COL27A1: variants seen among roughly 807,000 people sequenced by gnomAD.
COL27A1 encodes the protein collagen alpha-1(XXVII) chain.
A neutral mutation model predicts 251.3 loss-of-function variants in COL27A1; 106 were observed. The observed-to-expected ratio is 0.42, with a 90% CI of 0.36 to 0.50. The LOEUF (loss-of-function observed/expected upper bound fraction) is 0.50. Ranked by LOEUF, COL27A1 falls within the 20% of genes least tolerant of loss-of-function variation. The pLI is 0.00. For missense variants in COL27A1, 2,325 were observed against 2,522.8 expected (o/e 0.92, Z 1.68); for synonymous variants, 1,000 against 986.3 (o/e 1.01, Z -0.26).
chr9:114,158,222 G>A (rs1848255059), intron 1 of COL27A1, among the ~76,000 whole-genome samples: 1 of 152,196 alleles, frequency 6.6e-6, no homozygotes, highest in African/African-American at 2.4e-5. Context: ...AGTGTCCACA[G>A]GGCCACTTTC....
At chr9:114,186,538 T>C (rs1199387715) in intron 5 of COL27A1, among the ~76,000 whole-genome samples, 3 of 151,952 alleles carry the variant, frequency 2.0e-5, no homozygotes, top group Non-Finnish European at 4.4e-5. Context: ...CCCCACGATA[T>C]GGGGATTGAT....
intron 14 of COL27A1, among the ~76,000 whole-genome samples, chr9:114,228,634 C>T (rs953411859): frequency 5.9e-5 from 9 of 152,244 alleles, no homozygotes; most frequent in Non-Finnish European, 1.3e-4. Context: ...TCAGTTTCCT[C>T]ATCTATGAAA....
intron 28 of COL27A1, among the ~76,000 whole-genome samples, chr9:114,261,372 G>A (rs991394380): frequency 6.6e-6 from 1 of 152,240 alleles, no homozygotes; most frequent in African/African-American, 2.4e-5. Flanking sequence ...CAGGCGGGGC[G>A]GGGGTGGGCC....
intron 28 of COL27A1, among the ~76,000 whole-genome samples, chr9:114,258,830 C>T (rs1390326784): frequency 6.6e-6 from 1 of 152,202 alleles, no homozygotes; most frequent in Admixed American, 6.5e-5. Flanking sequence ...GTCGGGCTCT[C>T]CGGTACTAGT....
chr9:114,299,988 G>A, intron 49 of COL27A1, 82 bp from the exon 50 acceptor site: 2 of 1,340,004 alleles, frequency 1.5e-6, no homozygotes, highest in Non-Finnish European at 1.1e-6. Context: ...GAGGGAAAAG[G>A]CAGGCCCTGA....
At chr9:114,289,096 T>C in intron 44 of COL27A1, 129 bp downstream of exon 44, 2 of 1,379,514 alleles carry the variant, frequency 1.4e-6, no homozygotes, top group Non-Finnish European at 2.0e-6. Flanking sequence ...CAGCCATTTC[T>C]GTTTCTCCTG....
At chr9:114,225,307 A>C (rs7855833) in intron 14 of COL27A1, among the ~76,000 whole-genome samples, 112,479 of 152,152 alleles carry the variant, frequency 0.74, 42,300 homozygotes, top group South Asian at 0.89. Context: ...GAGCCCTGGG[A>C]CTTTCTGCAT....
intron 54 of COL27A1, 78 bp from the exon 55 acceptor site, chr9:114,301,604 T>G: frequency 1.3e-6 from 2 of 1,528,926 alleles, no homozygotes; most frequent in Admixed American, 1.9e-5. Flanking sequence ...GTCCCAGGTC[T>G]GCTTGAGGAG....
At chr9:114,266,814 G>A (rs1834777446) in intron 33 of COL27A1, among the ~76,000 whole-genome samples, 196 bp downstream of exon 33, 1 of 152,186 alleles carries the variant, frequency 6.6e-6, no homozygotes, top group Non-Finnish European at 1.5e-5. Context: ...AGGTTGAGGA[G>A]CTGGCTCCTA....
chr9:114,199,302 T>TA (rs1337610953), intron 7 of COL27A1, among the ~76,000 whole-genome samples: 8 of 152,148 alleles, frequency 5.3e-5, no homozygotes, highest in African/African-American at 1.9e-4. Context: ...GAAATACTGC[T>TA]AAACATTCTG....
Position 114,311,548 on chromosome 9 carries a change from G to GAAAAAAAAAAAAAAAAAAGA in COL27A1, c.*870_*871insAGAAAAAAAAAAAAAAAAAA, listed in dbSNP as rs56094843. On this transcript the variant is annotated 3_prime_UTR_variant, in exon 61 of 61. Transcript: ENST00000356083. The stretch of plus-strand genomic sequence containing the variant: ...AGGAGGAAAAAAGAAAAGAAAAAAG[G>GAAAAAAAAAAAAAAAAAAGA]AAAAAAAAAAAAAAAAAGCAAAACA... 3.8e-4 allele frequency: 36 copies of GAAAAAAAAAAAAAAAAAAGA among 95,700 alleles called. No homozygotes were observed. The highest frequency in any genetic ancestry group is 5.4e-3 in the Middle Eastern group (1 of 184). The allele number at this position is 95,700 out of a possible 1,614,324, so 5.9% of individuals were successfully genotyped here.
At chr9:114,230,291 G>A (rs1472278187) in intron 14 of COL27A1, among the ~76,000 whole-genome samples, 2 of 152,122 alleles carry the variant, frequency 1.3e-5, no homozygotes, top group Non-Finnish European at 2.9e-5. Flanking sequence ...ACGGTGTGGA[G>A]TTTGCAGACG....
chr9:114,240,199 C>A (rs1411035481), intron 19 of COL27A1, 21 bp from the exon 20 acceptor site: 1 of 1,611,734 alleles, frequency 6.2e-7, no homozygotes, highest in Non-Finnish European at 8.5e-7. Flanking sequence ...GTGGGTGACC[C>A]TGCTCTCTGC....
chr9:114,278,894 G>A (rs1835731387), intron 37 of COL27A1, among the ~76,000 whole-genome samples: 1 of 151,958 alleles, frequency 6.6e-6, no homozygotes, highest in East Asian at 1.9e-4. Context: ...GAGCCATCGG[G>A]GCCTTTCCAG....
chr9:114,282,602 G>A lies in COL27A1; in HGVS notation c.3879+38G>A, dbSNP rs760193082. ...TGGCTGGGGTGGGGGAGTCAGATGT[G>A]GAATAGAGGGAACCAAGGGCAGGAA... On this transcript the variant is annotated intron_variant, in intron 39 of 60. Coordinates refer to ENST00000356083, the MANE Select transcript of COL27A1 (RefSeq NM_032888.4). The A allele has an allele frequency of 4.4e-5, 58 of 1,316,310 alleles. No homozygotes were observed. In the East Asian group the frequency reaches 1.2e-3, roughly 27 times the overall value. The allele number at this position is 1,316,310 out of a possible 1,614,324, so 81.5% of individuals were successfully genotyped here.
intron 57 of COL27A1, 118 bp downstream of exon 57, chr9:114,304,791 G>C: frequency 1.2e-6 from 1 of 851,176 alleles, no homozygotes; most frequent in Non-Finnish European, 1.9e-6. Context: ...CAGAGTCCTG[G>C]TCTTGGTGGC....
At position 114,169,386 on chromosome 9, in the gene COL27A1, A is replaced by T. The variant is rs2567705; in HGVS notation, c.1831A>T (p.Ile611Phe). The T allele has an allele frequency of 0.36, 578,133 of 1,608,580 alleles. 108,072 individuals are homozygous for T. Among genetic ancestry groups the T allele is most frequent in the Middle Eastern group, 0.5 (3,033 of 6,042 alleles). Residue 611 changes from isoleucine (I) to phenylalanine (F), a missense_variant, in exon 3 of 61, where the codon ATC becomes TTC. Ile to Phe is a conservative substitution (Grantham distance 21, BLOSUM62 0). This residue lies in a region of COL27A1 where 1,183 missense variants were observed against 1,144.1 expected (regional missense o/e 1.03). Transcript: ENST00000356083. ...SPRPTSSGYS[I>F]FHLAGSTPFP... ...CCGGCCCACGAGCAGTGGCTATTCG[A>T]TCTTCCACCTGGCAGGATCTACGCC...
At chr9:114,227,870 A>G (rs1831608353) in intron 14 of COL27A1, among the ~76,000 whole-genome samples, 2 of 152,178 alleles carry the variant, frequency 1.3e-5, no homozygotes, top group Non-Finnish European at 2.9e-5. Flanking sequence ...TCTGGTACAC[A>G]GTAGACGGCT....
intron 3 of COL27A1, among the ~76,000 whole-genome samples, chr9:114,173,196 A>T (rs779849357): frequency 1.2e-4 from 18 of 149,594 alleles, no homozygotes; most frequent in Middle Eastern, 3.4e-3. Context: ...GAAGCTGCAC[A>T]GAAGCCCCAC....
Sources: gnomAD v4.1 joint callset for allele counts (sites outside exome capture counted in the v4.1 genomes callset) on GRCh38, gnomAD v4.1.1 for gene constraint, gnomAD v4.1.1 regional missense constraint, MANE v1.5 for transcripts, NCBI Gene and HGNC (gene_info 2026-07-23, HGNC 2026-07-21) for gene names.